The following PARN variants were observed in gnomAD, a reference collection of about 807,000 sequenced individuals.
PARN encodes the protein poly(A)-specific ribonuclease PARN.
PARN carries 71 observed loss-of-function variants against 102.8 expected under a neutral mutation model. That is an observed-to-expected ratio of 0.69 (90% CI 0.57 to 0.84). The LOEUF is 0.84. PARN is among the 40% of genes least tolerant of loss of function. The pLI is 0.00. For synonymous variants in PARN, 261 were observed against 252.9 expected (o/e 1.03, Z -0.30); for missense variants, 782 against 760.9 (o/e 1.03, Z -0.33).
intron 18 of PARN, among the ~76,000 whole-genome samples, chr16:14,561,623 G>A (rs1012802223): frequency 2.0e-5 from 3 of 152,158 alleles, no homozygotes; most frequent in Non-Finnish European, 4.4e-5. Flanking sequence ...ATCAGTCTGA[G>A]CAACATGGTG....
chr16:14,560,984 C>T lies in PARN; in HGVS notation c.1263-5275G>A, dbSNP rs192649728. 7.2e-5 allele frequency among the ~76,000 whole-genome samples: 11 copies of T among 152,198 alleles called. No individual in the cohort carries two copies. In the East Asian group the frequency reaches 1.7e-3, roughly 24 times the overall value. On this transcript the variant is annotated intron_variant, in intron 18 of 23. Coordinates refer to ENST00000437198, the MANE Select transcript of PARN (RefSeq NM_002582.4). ...CAGCCTAGCCAATGTGGTGAAACCT[C>T]GTCTCTATTTAAAAATACAAAAATT...
At chr16:14,577,763 G>A (rs1454617770) in intron 18 of PARN, among the ~76,000 whole-genome samples, 1 of 151,722 alleles carries the variant, frequency 6.6e-6, no homozygotes, top group African/African-American at 2.4e-5. Flanking sequence ...TGCCTCCTGG[G>A]TTCAAGCAAT....
intron 13 of PARN, among the ~76,000 whole-genome samples, chr16:14,589,835 C>A (rs916851274): frequency 6.6e-6 from 1 of 151,900 alleles, no homozygotes; most frequent in Non-Finnish European, 1.5e-5. Context: ...CCACTGCACT[C>A]CAGCCTAGGT....
At chr16:14,462,916 G>C (rs991546574) in intron 22 of PARN, among the ~76,000 whole-genome samples, 1 of 152,206 alleles carries the variant, frequency 6.6e-6, no homozygotes, top group Non-Finnish European at 1.5e-5. Flanking sequence ...CTGAGAGACA[G>C]GAAACTAACG....
At chr16:14,575,423 C>T (rs1394905944) in intron 18 of PARN, among the ~76,000 whole-genome samples, 2 of 152,200 alleles carry the variant, frequency 1.3e-5, no homozygotes, top group African/African-American at 4.8e-5. Flanking sequence ...GTAATCTGAA[C>T]GTGAGACATG....
chr16:14,606,671 C>T (rs1314033902), intron 9 of PARN, 145 bp from the exon 10 acceptor site: 2 of 459,750 alleles, frequency 4.4e-6, no homozygotes, highest in Admixed American at 4.0e-5. Flanking sequence ...CTTTACAGCA[C>T]ATTTATTTTA....
chr16:14,597,589 C>T (rs1207682460), intron 12 of PARN, among the ~76,000 whole-genome samples: 1 of 151,732 alleles, frequency 6.6e-6, no homozygotes, highest in Non-Finnish European at 1.5e-5. Context: ...CCCAGCTACT[C>T]AGGAGGCTGA....
chr16:14,553,285 A>C (rs1210221545), intron 20 of PARN, among the ~76,000 whole-genome samples: 1 of 151,322 alleles, frequency 6.6e-6, no homozygotes, highest in East Asian at 1.9e-4. Context: ...AAAAGAAAGA[A>C]AATGAAAAAT....
At chr16:14,443,442 G>A (rs1259220109) in intron 23 of PARN, among the ~76,000 whole-genome samples, 1 of 151,242 alleles carries the variant, frequency 6.6e-6, no homozygotes, top group Non-Finnish European at 1.5e-5. Context: ...CCTGGTTCAA[G>A]CGATTCTCCT....
chr16:14,568,601 A>C (rs1567395222), intron 18 of PARN, among the ~76,000 whole-genome samples: 1 of 151,950 alleles, frequency 6.6e-6, no homozygotes, highest in Non-Finnish European at 1.5e-5. Context: ...GTCTCAAAAA[A>C]AATAATTTAA....
chr16:14,533,086 A>G (rs1289098521), intron 21 of PARN, among the ~76,000 whole-genome samples: 1 of 152,060 alleles, frequency 6.6e-6, no homozygotes, highest in Non-Finnish European at 1.5e-5. Context: ...GCGAGCCGAG[A>G]TCACGCCACT....
chr16:14,563,476 TTGTGTGTGTGTGTGTGTGTGTGTGTG>T (rs56099416), intron 18 of PARN, among the ~76,000 whole-genome samples: 3 of 143,648 alleles, frequency 2.1e-5, no homozygotes, highest in Non-Finnish European at 4.5e-5. Flanking sequence ...GAAAATTCCT[TTGTGTGTGTGTGTGTGTGTGTGTGTG>T]TGTGTGTGTG....
intron 22 of PARN, among the ~76,000 whole-genome samples, chr16:14,473,690 T>C (rs1349112023): frequency 1.3e-5 from 2 of 152,138 alleles, no homozygotes; most frequent in Non-Finnish European, 2.9e-5. Context: ...CAGAGCTTCC[T>C]GGACTGCGTG....
intron 5 of PARN, 40 bp downstream of exon 5, chr16:14,627,066 C>T: frequency 8.7e-7 from 1 of 1,143,180 alleles, no homozygotes; most frequent in South Asian, 1.3e-5. Context: ...GCTGCCTCAT[C>T]AGCAATTCAG....
intron 12 of PARN, among the ~76,000 whole-genome samples, chr16:14,595,801 G>C (rs180723668): frequency 5.8e-4 from 88 of 152,014 alleles, no homozygotes; most frequent in Non-Finnish European, 1.2e-3. Flanking sequence ...AAAGTGCTGG[G>C]ATTACAGGAG....
At chr16:14,543,068 A>C (rs1358637305) in intron 21 of PARN, among the ~76,000 whole-genome samples, 1 of 152,234 alleles carries the variant, frequency 6.6e-6, no homozygotes, top group Non-Finnish European at 1.5e-5. Context: ...GAAAATGTTG[A>C]AAATAACCAG....
chr16:14,486,541 T>C (rs937142060), intron 21 of PARN, among the ~76,000 whole-genome samples: 1 of 152,218 alleles, frequency 6.6e-6, no homozygotes, highest in Non-Finnish European at 1.5e-5. Flanking sequence ...GATAGACAAA[T>C]GTTACAAACA....
intron 23 of PARN, among the ~76,000 whole-genome samples, chr16:14,446,234 C>T (rs1961192095): frequency 6.6e-6 from 1 of 152,200 alleles, no homozygotes; most frequent in South Asian, 2.1e-4. Context: ...TGGGATTCAG[C>T]TCAGGCAGAC....
chr16:14,452,626 C>T (rs1188955239), intron 22 of PARN, among the ~76,000 whole-genome samples: 2 of 152,176 alleles, frequency 1.3e-5, no homozygotes, highest in African/African-American at 4.8e-5. Flanking sequence ...CGTGAGCCAC[C>T]GCACCCACCC....
Sources: allele counts gnomAD v4.1 joint callset (sites outside exome capture counted in the v4.1 genomes callset), GRCh38; gene constraint gnomAD v4.1.1; transcripts MANE v1.5; gene names NCBI Gene and HGNC (gene_info 2026-07-23, HGNC 2026-07-21).